The following ADGRE1 variants were observed in gnomAD, a reference collection of about 807,000 sequenced individuals.
ADGRE1 encodes the protein EGF-like module receptor 1.
A neutral mutation model predicts 102.7 loss-of-function variants in ADGRE1; 82 were observed. That is an observed-to-expected ratio of 0.80 (90% CI 0.67 to 0.96). The LOEUF is 0.96. Among genes scored for constraint, ADGRE1 ranks in the 40% least tolerant of loss-of-function variants. The probability of loss-of-function intolerance (pLI) is 0.00; values close to 1 mark genes in which losing one functional copy is unlikely to be tolerated. For synonymous variants in ADGRE1, 398 were observed against 399.6 expected, an observed-to-expected ratio of 1.00 and a Z score of 0.05; for missense variants, 1,032 against 1,085.3, an observed-to-expected ratio of 0.95 and a Z score of 0.69.
intron 20 of ADGRE1, among the ~76,000 whole-genome samples, chr19:6,938,758 C>T (rs1672966): frequency 0.82 from 123,493 of 151,012 alleles, 50,580 homozygotes; most frequent in African/African-American, 0.87. Flanking sequence ...GTAGGTATCA[C>T]TGCTCTATTT....
chr19:6,891,138 A>T (rs1463934556), intron 2 of ADGRE1: 1 of 152,252 alleles, frequency 6.6e-6, no homozygotes, highest in African/African-American at 2.4e-5. Flanking sequence ...TTTCCCCCAT[A>T]CTGTTCTCGT....
chr19:6,916,684 T>C (rs1160823092), intron 12 of ADGRE1, among the ~76,000 whole-genome samples: 1 of 152,046 alleles, frequency 6.6e-6, no homozygotes, highest in Non-Finnish European at 1.5e-5. Flanking sequence ...CGAAGCTTTG[T>C]TGCACAAAAA....
At position 6,937,226 on chromosome 19, in the gene ADGRE1, G is replaced by A; in HGVS notation, c.2382-17G>A. The A allele has an allele frequency of 3.1e-6, 5 of 1,609,590 alleles. No homozygotes were observed. The highest frequency in any genetic ancestry group is 4.2e-6 in the Non-Finnish European group (5 of 1,177,350). Reference sequence around the variant, plus strand: ...GCCACCTCCCAGAGCCTTACATGCTGTACATCTTCTCCCCAGGTTACTGAC... The same window carrying A: ...GCCACCTCCCAGAGCCTTACATGCTATACATCTTCTCCCCAGGTTACTGAC... On this transcript the variant is annotated splice_polypyrimidine_tract_variant and intron_variant, in intron 18 of 20. Coordinates refer to ENST00000312053, the MANE Select transcript of ADGRE1 (RefSeq NM_001974.5).
At chr19:6,919,442 C>CTG (rs149877096) in intron 12 of ADGRE1, 106 bp from the exon 13 acceptor site, 7,209 of 449,984 alleles carry the variant, frequency 0.016, 122 homozygotes, top group African/African-American at 0.079. Flanking sequence ...CTCCCTCCCT[C>CTG]TGTGTGTGTG....
Position 6,935,050 on chromosome 19 carries a change from GC to G in ADGRE1, c.2355del (p.Glu786LysfsTer5), listed in dbSNP as rs775876791. 3.1e-6 allele frequency: 5 copies of G among 1,601,178 alleles called. No homozygotes were observed. The Admixed American group carries it at 8.5e-5, about 27-fold the overall frequency. On this transcript the variant is annotated frameshift_variant, in exon 18 of 21. Transcript: ENST00000312053. LOFTEE classifies it high-confidence loss of function. ...ILRQRLSSVN[A>X]EVSTLKDTRL... is the part of the protein sequence containing the mutation. ...GAGGCAGAGGCTTTCCAGTGTTAAT[GC>G]CGAAGTCTCAACGCTAAAAGACACC...
chr19:6,891,167 C>T (rs1230108112), intron 2 of ADGRE1: 1 of 152,096 alleles, frequency 6.6e-6, no homozygotes, highest in Non-Finnish European at 1.5e-5. Context: ...GTAAGTCTCA[C>T]GAGATCTGAT....
chr19:6,938,009 T>A (rs1179325582), intron 20 of ADGRE1, among the ~76,000 whole-genome samples: 1 of 151,288 alleles, frequency 6.6e-6, no homozygotes, highest in Non-Finnish European at 1.5e-5. Context: ...TAATGTATAA[T>A]ATTATATACA....
rs753056584 is a variant in ADGRE1, at chr19:6,908,689, G to C, written c.1039G>C (p.Val347Leu). ...QEGTAVKPAY[V>L]SFCAQINNIF... ...CTTTTTTTTTTTTTCTGGGACGCAG[G>C]TCTCCTTTTGTGCACAAATAAATAA... is the stretch of plus-strand genomic sequence containing the variant. Residue 347 changes from valine to leucine, a missense_variant and splice_region_variant, in exon 10 of 21, where the codon GTC becomes CTC. By Grantham distance (32) the Val-to-Leu change is conservative. Transcript: ENST00000312053. 6.4e-7 allele frequency: 1 copy of C among 1,569,906 alleles called. No homozygotes were observed. The highest frequency in any genetic ancestry group is 8.6e-7 in the Non-Finnish European group (1 of 1,162,668).
intron 1 of ADGRE1, among the ~76,000 whole-genome samples, chr19:6,889,176 CG>C: frequency 7.0e-6 from 1 of 143,186 alleles, no homozygotes; most frequent in East Asian, 2.1e-4. Flanking sequence ...GTGATAATGA[CG>C]ATGAAGATGG....
chr19:6,904,647 A>T (rs559381714), intron 8 of ADGRE1, among the ~76,000 whole-genome samples: 1 of 151,538 alleles, frequency 6.6e-6, no homozygotes, highest in South Asian at 2.1e-4. Context: ...CTGGGACTAC[A>T]GGCGCCCGCC....
At chr19:6,938,514 A>G (rs1445035286) in intron 20 of ADGRE1, among the ~76,000 whole-genome samples, 1 of 152,116 alleles carries the variant, frequency 6.6e-6, no homozygotes, top group African/African-American at 2.4e-5. Context: ...TTTTTTCAAC[A>G]ATGTATTCCA....
chr19:6,907,341 ATTTTT>A (rs36079308), intron 9 of ADGRE1, among the ~76,000 whole-genome samples: 1 of 145,110 alleles, frequency 6.9e-6, no homozygotes, highest in African/African-American at 2.6e-5. Context: ...AGTTCTAGAA[ATTTTT>A]TTTTTTTTTT....
Position 6,930,669 on chromosome 19 carries a change from G to T in ADGRE1, c.2289+2458G>T, listed in dbSNP as rs1975100805. Among the ~76,000 whole-genome samples, 4 of 152,018 alleles carry T rather than the reference G, an allele frequency of 2.6e-5. No individual in the cohort carries two copies. In the South Asian group the frequency reaches 8.3e-4, roughly 32 times the overall value. On this transcript the variant is annotated intron_variant, in intron 17 of 20. Transcript: ENST00000312053. ...TATTTTTATTTTGAGACAGAGTCTT[G>T]CTCTGTCACCCAGGCTGCAGTGCAA...
intron 6 of ADGRE1, among the ~76,000 whole-genome samples, chr19:6,902,523 C>A (rs888390600): frequency 6.6e-6 from 1 of 151,960 alleles, no homozygotes; most frequent in Admixed American, 6.6e-5. Context: ...TCACTGCAAC[C>A]TCCCCCTCCT....
At chr19:6,929,512 G>A (rs1441034751) in intron 17 of ADGRE1, among the ~76,000 whole-genome samples, 2 of 138,644 alleles carry the variant, frequency 1.4e-5, no homozygotes, top group Non-Finnish European at 3.1e-5. Context: ...AAGGGAAGAC[G>A]GAGCTGCCAT....
In ADGRE1 at chr19:6,908,761, G is replaced by A; in HGVS notation, c.1111G>A (p.Val371Ile). 1.2e-6 allele frequency: 2 copies of A among 1,609,176 alleles called. No homozygotes were observed. The highest frequency in any genetic ancestry group is 2.2e-5 in the East Asian group (1 of 44,728). ...DKVCENKTTV[V>I]SLKNTTESFV... ...AGTGTGTGAAAATAAAACGACCGTA[G>A]TTTCTCTGAAGGTAACGATTGGGTC... Residue 371 changes from valine to isoleucine, a missense_variant, in exon 10 of 21, where the codon GTT (valine) becomes ATT (isoleucine). Transcript: ENST00000312053.
At chr19:6,919,517 C>G (rs1227331106) in intron 12 of ADGRE1, 31 bp from the exon 13 acceptor site, 4 of 1,590,046 alleles carry the variant, frequency 2.5e-6, no homozygotes, top group Non-Finnish European at 3.4e-6. Flanking sequence ...CAAACGATTC[C>G]TTCCTTTTTT....
intron 12 of ADGRE1, among the ~76,000 whole-genome samples, chr19:6,917,739 C>CAA (rs35172767): frequency 0.014 from 1,635 of 116,060 alleles, 34 homozygotes; most frequent in African/African-American, 0.04. Flanking sequence ...GACTCCATCT[C>CAA]AAAAAAAAAA....
At chr19:6,906,752 C>T (rs986531011) in intron 9 of ADGRE1, among the ~76,000 whole-genome samples, 5 of 152,160 alleles carry the variant, frequency 3.3e-5, no homozygotes, top group African/African-American at 7.2e-5. Context: ...CCCAAGGTGG[C>T]AGCTCCAGCT....
Sources: allele counts gnomAD v4.1 joint callset (sites outside exome capture counted in the v4.1 genomes callset), GRCh38; gene constraint gnomAD v4.1.1; transcripts MANE v1.5; gene names NCBI Gene and HGNC (gene_info 2026-07-23, HGNC 2026-07-21).